ANKRD44: variants seen among roughly 807,000 people sequenced by gnomAD.
The protein encoded by ANKRD44 is serine/threonine-protein phosphatase 6 regulatory ankyrin repeat subunit B.
Under a neutral mutation model 116.0 loss-of-function variants are expected in ANKRD44, and 35 were observed. The ratio of observed to expected loss-of-function variants is 0.30; its 90% CI spans 0.23 to 0.40. ANKRD44 has a LOEUF of 0.40. ANKRD44 is among the 10% of genes least tolerant of loss of function. ANKRD44 has a pLI of 1.00. For missense variants in ANKRD44, 1,014 were observed against 1,242.6 expected (o/e 0.82, Z 2.77); for synonymous variants, 435 against 461.8 (o/e 0.94, Z 0.74).
intron 16 of ANKRD44, among the ~76,000 whole-genome samples, chr2:197,061,741 T>G (rs530909549): frequency 6.6e-6 from 1 of 151,058 alleles, no homozygotes; most frequent in East Asian, 2.0e-4. Context: ...ATTTTTTACC[T>G]CCCAAACTAG....
chr2:196,975,526 G>A (rs948652817), intron 21 of ANKRD44, among the ~76,000 whole-genome samples: 2 of 152,000 alleles, frequency 1.3e-5, no homozygotes, highest in Non-Finnish European at 2.9e-5. Flanking sequence ...GCTCACGCCT[G>A]TGATCCCAGC....
At chr2:197,081,197 T>C (rs2077786768) in intron 15 of ANKRD44, among the ~76,000 whole-genome samples, 1 of 152,166 alleles carries the variant, frequency 6.6e-6, no homozygotes, top group African/African-American at 2.4e-5. Flanking sequence ...TAAATTGATG[T>C]GCATGTGGGC....
intron 1 of ANKRD44, chr2:197,302,485 A>T (rs1010603217): frequency 7.2e-5 from 11 of 152,250 alleles, no homozygotes; most frequent in African/African-American, 2.4e-4. Context: ...GAATGATTTA[A>T]AGAAATATGA....
At chr2:197,069,872 C>T (rs888575630) in intron 16 of ANKRD44, among the ~76,000 whole-genome samples, 9 of 151,356 alleles carry the variant, frequency 5.9e-5, no homozygotes, top group African/African-American at 1.2e-4. Context: ...TTCTAATCCA[C>T]GCATACAGAA....
intron 2 of ANKRD44, among the ~76,000 whole-genome samples, chr2:197,155,293 T>C: frequency 6.6e-6 from 1 of 152,222 alleles, no homozygotes; most frequent in East Asian, 1.9e-4. Flanking sequence ...GTCACAAAGC[T>C]AGTAAGTGGT....
intron 2 of ANKRD44, among the ~76,000 whole-genome samples, chr2:197,172,621 C>T (rs144618464): frequency 5.7e-4 from 87 of 152,278 alleles, no homozygotes; most frequent in East Asian, 2.9e-3. Flanking sequence ...CTCACTCTGT[C>T]GCCCAGGCTG....
chr2:197,271,297 GC>G (rs1181330898), intron 1 of ANKRD44, among the ~76,000 whole-genome samples: 1 of 152,170 alleles, frequency 6.6e-6, no homozygotes, highest in Non-Finnish European at 1.5e-5. Context: ...TGGGATTAGT[GC>G]CCTTATAAAA....
intron 21 of ANKRD44, among the ~76,000 whole-genome samples, chr2:196,976,614 C>T (rs988644955): frequency 6.6e-6 from 1 of 152,098 alleles, no homozygotes; most frequent in African/African-American, 2.4e-5. Context: ...TGCCTGTAAT[C>T]CCAGCACTTT....
chr2:197,210,410 T>A (rs1051438404), intron 1 of ANKRD44, among the ~76,000 whole-genome samples: 1 of 152,208 alleles, frequency 6.6e-6, no homozygotes, highest in East Asian at 1.9e-4. Context: ...GTAAGTAACC[T>A]GACTGATGTT....
chr2:197,227,675 G>A (rs371292356), intron 1 of ANKRD44, among the ~76,000 whole-genome samples: 4 of 152,050 alleles, frequency 2.6e-5, no homozygotes, highest in Admixed American at 2.0e-4. Context: ...TCAGAACAAC[G>A]GGAGAGTTGA....
At chr2:197,015,386 G>T in intron 17 of ANKRD44, 1 of 587,874 alleles carries the variant, frequency 1.7e-6, no homozygotes, top group South Asian at 1.6e-5. Context: ...AAAAAGAGAG[G>T]ATTTGCTTTT....
chr2:197,049,035 T>C (rs1484566704), intron 16 of ANKRD44, among the ~76,000 whole-genome samples: 1 of 152,246 alleles, frequency 6.6e-6, no homozygotes, highest in Non-Finnish European at 1.5e-5. Flanking sequence ...TGGGGTTTTT[T>C]TTTCTTGCAA....
chr2:197,006,102 A>G (rs2076196955), intron 20 of ANKRD44, among the ~76,000 whole-genome samples, 192 bp from the exon 21 acceptor site: 2 of 150,628 alleles, frequency 1.3e-5, no homozygotes, highest in Non-Finnish European at 3.0e-5. Flanking sequence ...ATCTGTGAAC[A>G]TCAGCATTTT....
chr2:197,302,008 C>T (rs964868668), intron 1 of ANKRD44, among the ~76,000 whole-genome samples: 2 of 152,084 alleles, frequency 1.3e-5, no homozygotes, highest in Admixed American at 6.5e-5. Context: ...GAGGAAAGAC[C>T]CGAAAGAGGT....
At chr2:197,216,519 C>G (rs2125711659) in intron 1 of ANKRD44, among the ~76,000 whole-genome samples, 1 of 152,300 alleles carries the variant, frequency 6.6e-6, no homozygotes, top group South Asian at 2.1e-4. Context: ...CGAGACATTT[C>G]CCTCCGCTGT....
At chr2:197,178,116 C>T (rs887333198) in intron 2 of ANKRD44, among the ~76,000 whole-genome samples, 101 of 152,244 alleles carry the variant, frequency 6.6e-4, no homozygotes, top group African/African-American at 2.3e-3. Flanking sequence ...TTACTCTCCC[C>T]AAAAAGGCAT....
At chr2:197,253,677 T>C (rs1161033998) in intron 1 of ANKRD44, among the ~76,000 whole-genome samples, 1 of 152,232 alleles carries the variant, frequency 6.6e-6, no homozygotes, top group Non-Finnish European at 1.5e-5. Context: ...GATATTCCCA[T>C]GTAGGTGTTT....
intron 6 of ANKRD44, 47 bp from the exon 7 acceptor site, chr2:197,122,839 A>G (rs779683910): frequency 6.9e-6 from 11 of 1,584,808 alleles, no homozygotes; most frequent in Non-Finnish European, 9.4e-6. Context: ...TTATAGGACA[A>G]TTTGCTGATT....
Position 196,967,447 on chromosome 2 carries a change from C to T in ANKRD44, c.2369-1G>A, listed in dbSNP as rs891398802. On this transcript the variant is annotated splice_acceptor_variant, in intron 21 of 21. Coordinates refer to the ANKRD44 transcript ENST00000424317. LOFTEE classifies it high-confidence loss of function. ...TCTTGGATCTTGAATGGTTAACAGC[C>T]TGAGTTGCCATTTAAAAAAAGAAAA... 2.1e-6 allele frequency: 1 copy of T among 467,190 alleles called. No homozygotes were observed. The highest frequency in any genetic ancestry group is 2.4e-5 in the Admixed American group (1 of 42,414). The allele number at this position is 467,190 out of a possible 1,614,324, so 28.9% of individuals were successfully genotyped here. A position where few individuals can be genotyped will look rare whatever the true frequency, so the allele number is the denominator to read the frequency against.
Sources: allele counts gnomAD v4.1 joint callset (sites outside exome capture counted in the v4.1 genomes callset), GRCh38; gene constraint gnomAD v4.1.1; transcripts MANE v1.5; gene names NCBI Gene and HGNC (gene_info 2026-07-23, HGNC 2026-07-21).